The following SORCS2 variants were observed in gnomAD, a reference collection of about 807,000 sequenced individuals.
The protein encoded by SORCS2 is sortilin related VPS10 domain containing receptor 2.
SORCS2 carries 100 observed loss-of-function variants against 141.6 expected under a neutral mutation model. That is an observed-to-expected ratio of 0.71 (90% CI 0.60 to 0.83). The LOEUF is 0.83. SORCS2 is among the 40% of genes least tolerant of loss of function. The pLI, the probability that SORCS2 is intolerant of heterozygous loss-of-function variation, is 0.00. For synonymous variants in SORCS2, 789 were observed against 676.9 expected (o/e 1.17, Z -2.57); for missense variants, 1,646 against 1,560.2 (o/e 1.05, Z -0.93).
In SORCS2 at chr4:7,193,980, T is replaced by A. The variant is rs1727021390; in HGVS notation, c.480+854T>A. On this transcript the variant is annotated intron_variant, in intron 1 of 26. Transcript: ENST00000507866. This position sits in a 1 kb window ranked among gnomAD's most constrained non-coding sequence, Gnocchi z 4.8. ...GAGGCAGAGGGTCCCTTTAGATTATTCCCCTGGGGGCTGCCTCAACCTCAC... is the reference window on the plus strand; with the variant it reads ...GAGGCAGAGGGTCCCTTTAGATTATACCCCTGGGGGCTGCCTCAACCTCAC... 6.6e-6 allele frequency among the ~76,000 whole-genome samples: 1 copy of A among 151,842 alleles called. No homozygotes were observed. The highest frequency in any genetic ancestry group is 1.5e-5 in the Non-Finnish European group (1 of 67,944).
chr4:7,627,728 C>T (rs573588804), intron 3 of SORCS2, among the ~76,000 whole-genome samples: 30 of 152,014 alleles, frequency 2.0e-4, no homozygotes, highest in Admixed American at 3.9e-4. Flanking sequence ...GGAATGAAGG[C>T]GTGCCCTCGG....
chr4:7,396,454 G>T, intron 2 of SORCS2, 99 bp downstream of exon 2: 1 of 1,263,536 alleles, frequency 7.9e-7, no homozygotes, highest in Non-Finnish European at 1.1e-6. Context: ...CACTGTGGCA[G>T]CCCCTGTGAG....
At chr4:7,506,008 C>T (rs896376911) in intron 2 of SORCS2, among the ~76,000 whole-genome samples, 28 of 152,126 alleles carry the variant, frequency 1.8e-4, no homozygotes, top group African/African-American at 5.8e-4. Flanking sequence ...GCAGGGGGAA[C>T]GCATAGCCGT....
At chr4:7,320,261 T>G (rs1718817163) in intron 1 of SORCS2, among the ~76,000 whole-genome samples, 1 of 152,264 alleles carries the variant, frequency 6.6e-6, no homozygotes, top group Non-Finnish European at 1.5e-5. Context: ...TGGGGAACAC[T>G]ACTTTTCATA....
At chr4:7,704,364 A>G in intron 14 of SORCS2, 80 bp downstream of exon 14, 1 of 1,256,880 alleles carries the variant, frequency 8.0e-7, no homozygotes, top group South Asian at 1.4e-5. Flanking sequence ...TGTGTCCTTC[A>G]CCCCCCAGCC....
At chr4:7,217,688 C>T (rs908972601) in intron 1 of SORCS2, among the ~76,000 whole-genome samples, 1 of 152,108 alleles carries the variant, frequency 6.6e-6, no homozygotes, top group African/African-American at 2.4e-5. Context: ...CTCTCCTTGA[C>T]TCGTTATGTA....
intron 3 of SORCS2, among the ~76,000 whole-genome samples, chr4:7,566,467 A>G (rs959555861): frequency 6.6e-6 from 1 of 152,228 alleles, no homozygotes; most frequent in Non-Finnish European, 1.5e-5. Context: ...GATGCCACAT[A>G]ACATTCTTAT....
chr4:7,320,050 C>T (rs1057279580), intron 1 of SORCS2, among the ~76,000 whole-genome samples: 1 of 152,184 alleles, frequency 6.6e-6, no homozygotes, highest in Non-Finnish European at 1.5e-5. Flanking sequence ...TGCCTGTAAT[C>T]CCAGCACTTT....
chr4:7,234,599 T>G (rs13150070), intron 1 of SORCS2, among the ~76,000 whole-genome samples: 38,404 of 152,086 alleles, frequency 0.25, 4,996 homozygotes, highest in Middle Eastern at 0.36. Flanking sequence ...AGATCCAGCT[T>G]CAGTTCCAGT....
At chr4:7,393,370 G>A (rs1004929859) in intron 1 of SORCS2, among the ~76,000 whole-genome samples, 6 of 152,140 alleles carry the variant, frequency 3.9e-5, no homozygotes, top group Non-Finnish European at 8.8e-5. Context: ...ACTGTCCCGG[G>A]GATATTTCAT....
At chr4:7,504,865 A>G (rs2109441003) in intron 2 of SORCS2, among the ~76,000 whole-genome samples, 1 of 152,346 alleles carries the variant, frequency 6.6e-6, no homozygotes, top group African/African-American at 2.4e-5. Context: ...TGGGGGCCAC[A>G]AAAGGTCCAT....
intron 1 of SORCS2, among the ~76,000 whole-genome samples, chr4:7,394,047 C>A (rs1028401967): frequency 2.0e-5 from 3 of 151,396 alleles, no homozygotes; most frequent in African/African-American, 7.3e-5. Flanking sequence ...CTTGTTTCAG[C>A]CCTGGGCAAA....
intron 3 of SORCS2, among the ~76,000 whole-genome samples, chr4:7,635,635 A>G (rs900917575): frequency 7.2e-5 from 11 of 152,196 alleles, no homozygotes; most frequent in Non-Finnish European, 1.5e-4. Flanking sequence ...TGAGCACATA[A>G]GCTCCCCAGT....
At chr4:7,729,779 C>T in intron 23 of SORCS2, 67 bp downstream of exon 23, 3 of 1,554,874 alleles carry the variant, frequency 1.9e-6, no homozygotes, top group Non-Finnish European at 2.6e-6. Context: ...TCATTTACAA[C>T]AAGCAGGGAC....
intron 3 of SORCS2, among the ~76,000 whole-genome samples, chr4:7,564,266 G>A (rs893404404): frequency 1.2e-4 from 19 of 152,158 alleles, no homozygotes; most frequent in African/African-American, 4.1e-4. Context: ...CTCCAGCCAC[G>A]CTGCCCCTGT....
At chr4:7,440,629 C>T (rs1452902549) in intron 2 of SORCS2, among the ~76,000 whole-genome samples, 1 of 152,210 alleles carries the variant, frequency 6.6e-6, no homozygotes, top group East Asian at 1.9e-4. Context: ...GGGGCCTAGA[C>T]AGCACCATCT....
chr4:7,540,059 GTGGAGGCCCCGCCCCTCCTGTTA>G (rs1560369318), intron 3 of SORCS2, among the ~76,000 whole-genome samples: 1 of 89,900 alleles, frequency 1.1e-5, no homozygotes, highest in Non-Finnish European at 2.2e-5. Flanking sequence ...CCTGCCTGTC[GTGGAGGCCCCGCCCCTCCTGTTA>G]TGGAGGCCCC....
intron 2 of SORCS2, among the ~76,000 whole-genome samples, chr4:7,512,419 G>C (rs1479998805): frequency 2.0e-5 from 3 of 150,312 alleles, no homozygotes; most frequent in Non-Finnish European, 3.0e-5. Flanking sequence ...AAGGGAGGGA[G>C]GGAGGAGGGG....
intron 2 of SORCS2, among the ~76,000 whole-genome samples, chr4:7,399,483 G>A (rs1275931878): frequency 1.3e-5 from 2 of 152,138 alleles, no homozygotes; most frequent in Non-Finnish European, 2.9e-5. Flanking sequence ...TTGACGGGCC[G>A]CATGTCAGCG....
Sources: allele counts gnomAD v4.1 joint callset (sites outside exome capture counted in the v4.1 genomes callset), GRCh38; gene constraint gnomAD v4.1.1; non-coding constraint Gnocchi (gnomAD v3.1); transcripts MANE v1.5; gene names NCBI Gene and HGNC (gene_info 2026-07-23, HGNC 2026-07-21).